Variants in RELN observed in about 807,000 individuals in gnomAD.
RELN encodes reelin.
A neutral mutation model predicts 427.6 loss-of-function variants in RELN; 108 were observed. That is an observed-to-expected ratio of 0.25 (90% CI 0.22 to 0.30). RELN has a LOEUF of 0.30. RELN is among the 10% of genes least tolerant of loss of function. RELN has a pLI of 1.00. For missense variants in RELN, 3,715 were observed against 4,302.8 expected (o/e 0.86, Z 3.82); for synonymous variants, 1,524 against 1,513.4 (o/e 1.01, Z -0.16).
At chr7:103,509,586 T>A (rs1023338886) in intron 51 of RELN, among the ~76,000 whole-genome samples, 2 of 152,130 alleles carry the variant, frequency 1.3e-5, no homozygotes, top group Non-Finnish European at 2.9e-5. Context: ...ATTCAGGACA[T>A]AAGCATGGGC....
At chr7:103,572,637 C>A (rs774081408) in intron 30 of RELN, among the ~76,000 whole-genome samples, 1 of 150,766 alleles carries the variant, frequency 6.6e-6, no homozygotes, top group Admixed American at 6.6e-5. Flanking sequence ...CCCAGGTTCA[C>A]GCCATTCTCC....
chr7:103,880,387 G>A (rs1228173391), intron 2 of RELN, among the ~76,000 whole-genome samples: 1 of 152,136 alleles, frequency 6.6e-6, no homozygotes, highest in Non-Finnish European at 1.5e-5. Context: ...TGCAGATCAT[G>A]AGTCATTACC....
chr7:103,730,163 T>C (rs1178497142), intron 6 of RELN, among the ~76,000 whole-genome samples: 1 of 152,090 alleles, frequency 6.6e-6, no homozygotes, highest in African/African-American at 2.4e-5. Flanking sequence ...TATCTGCCAT[T>C]TGTCTCCAGT....
Position 103,603,088 on chromosome 7 carries a change from T to G in RELN, c.3333+216A>C, listed in dbSNP as rs362680. 0.013 allele frequency among the ~76,000 whole-genome samples: 1,955 copies of G among 152,280 alleles called. 50 individuals are homozygous for G. Among genetic ancestry groups the G allele is most frequent in the African/African-American group, 0.045 (1,874 of 41,566 alleles). Reference sequence around the variant, plus strand: ...GTACAGGAGGGTAGAAGTTTTAAACTGGCTTAACCTGATTTTTTAGTAACC... The same window carrying G: ...GTACAGGAGGGTAGAAGTTTTAAACGGGCTTAACCTGATTTTTTAGTAACC... On this transcript the variant is annotated intron_variant, in intron 24 of 64. Coordinates refer to ENST00000428762, the MANE Select transcript of RELN (RefSeq NM_005045.4). The surrounding 1 kb of genome is among the most constrained non-coding windows in gnomAD (Gnocchi z 4.3).
intron 19 of RELN, among the ~76,000 whole-genome samples, chr7:103,630,855 TTTTTG>T (rs1562930938): frequency 1.4e-4 from 12 of 87,620 alleles, no homozygotes; most frequent in Admixed American, 4.4e-4. Flanking sequence ...TTTTTTGTTT[TTTTTG>T]TTTTTTTTTT....
intron 40 of RELN, among the ~76,000 whole-genome samples, chr7:103,551,773 C>T (rs552802980): frequency 6.6e-6 from 1 of 152,080 alleles, no homozygotes; most frequent in Admixed American, 6.5e-5. Flanking sequence ...AGAATACAAT[C>T]ATTGTCATCA....
In RELN at chr7:103,551,248, G is replaced by C. The variant is rs1425847673; in HGVS notation, c.6121C>G (p.Leu2041Val). Residue 2041 changes from leucine (L) to valine (V), a missense_variant, in exon 41 of 65, where the codon CTG becomes GTG. Transcript: ENST00000428762. ...GCCCCGAAGTCCCTTGAAAATTCCA[G>C]TCTCACTGGATCCGCGGATGAGCTA... ...TDSSSADPVR[L>V]EFSRDFGATW... The C allele has an allele frequency of 2.5e-6, 4 of 1,614,026 alleles. No individual in the cohort carries two copies. In the African/African-American group the frequency reaches 4.0e-5, roughly 16 times the overall value.
At chr7:103,896,833 T>C (rs534254161) in intron 2 of RELN, among the ~76,000 whole-genome samples, 6 of 152,260 alleles carry the variant, frequency 3.9e-5, no homozygotes, top group South Asian at 4.1e-4. Context: ...AGTAGACTGA[T>C]ACGACTTCAA....
At chr7:103,926,746 G>A (rs1359859177) in intron 1 of RELN, among the ~76,000 whole-genome samples, 1 of 145,444 alleles carries the variant, frequency 6.9e-6, no homozygotes, top group African/African-American at 2.5e-5. Flanking sequence ...CCGGGTTCAC[G>A]CCATTTTCCT....
chr7:103,597,302 A>C (rs1831560064), intron 24 of RELN, among the ~76,000 whole-genome samples: 1 of 152,116 alleles, frequency 6.6e-6, no homozygotes, highest in South Asian at 2.1e-4. Flanking sequence ...GCTTCTTGAC[A>C]AAAAGAAAGA....
intron 31 of RELN, among the ~76,000 whole-genome samples, chr7:103,567,820 G>A (rs1356444047): frequency 6.6e-6 from 1 of 150,800 alleles, no homozygotes; most frequent in African/African-American, 2.4e-5. Flanking sequence ...AATTGAGACA[G>A]GGTCTCACTC....
intron 16 of RELN, among the ~76,000 whole-genome samples, chr7:103,648,317 T>C (rs1311454200): frequency 1.3e-5 from 2 of 152,206 alleles, no homozygotes; most frequent in East Asian, 3.9e-4. Context: ...TCTCTGGCCA[T>C]GTAAAACGTG....
intron 6 of RELN, among the ~76,000 whole-genome samples, chr7:103,746,549 A>G (rs1790837046): frequency 3.3e-5 from 5 of 152,118 alleles, no homozygotes; most frequent in Admixed American, 3.3e-4. Flanking sequence ...AGAAGCTACA[A>G]TGAACTCAAT....
intron 2 of RELN, among the ~76,000 whole-genome samples, chr7:103,900,355 A>C (rs1203804780): frequency 6.6e-6 from 1 of 152,212 alleles, no homozygotes; most frequent in Non-Finnish European, 1.5e-5. Flanking sequence ...CAATATCATG[A>C]AAATGGCCAT....
At chr7:103,980,346 G>A (rs1796966173) in intron 1 of RELN, among the ~76,000 whole-genome samples, 1 of 152,034 alleles carries the variant, frequency 6.6e-6, no homozygotes, top group Non-Finnish European at 1.5e-5. Flanking sequence ...ACAATGTCTG[G>A]TCAAAGAATT....
At chr7:103,599,591 T>G (rs2117261451) in intron 24 of RELN, among the ~76,000 whole-genome samples, 1 of 152,264 alleles carries the variant, frequency 6.6e-6, no homozygotes. Flanking sequence ...AATATGATCT[T>G]TATATGTAAA....
At chr7:103,674,780 A>G (rs2115648604) in intron 11 of RELN, among the ~76,000 whole-genome samples, 1 of 152,354 alleles carries the variant, frequency 6.6e-6, no homozygotes, top group South Asian at 2.1e-4. Flanking sequence ...AACAAAAGAT[A>G]AAAACCACAT....
intron 2 of RELN, among the ~76,000 whole-genome samples, chr7:103,915,772 A>G (rs1257236238): frequency 6.6e-6 from 1 of 152,214 alleles, no homozygotes; most frequent in African/African-American, 2.4e-5. Context: ...CAAATTTAAC[A>G]AAGTGTCTGG....
chr7:103,723,021 A>G, intron 8 of RELN, 119 bp downstream of exon 8: 1 of 682,360 alleles, frequency 1.5e-6, no homozygotes, highest in South Asian at 1.7e-5. Flanking sequence ...ATTTACTGCA[A>G]AATTAAGACT....
Sources: gnomAD v4.1 joint callset for allele counts (sites outside exome capture counted in the v4.1 genomes callset) on GRCh38, gnomAD v4.1.1 for gene constraint, Gnocchi (gnomAD v3.1) non-coding constraint, MANE v1.5 for transcripts, NCBI Gene and HGNC (gene_info 2026-07-23, HGNC 2026-07-21) for gene names.